EEIG2: variants seen among roughly 807,000 people sequenced by gnomAD.
EEIG2 encodes the protein EEIG family member 2, also known as family with sequence similarity 102 member B.
the EEIG2 span, among the ~76,000 whole-genome samples, chr1:108,575,560 C>T: frequency 2.0e-5 from 3 of 152,210 alleles, no homozygotes; most frequent in East Asian, 5.8e-4. Context: ...TGAAACAACC[C>T]CAGTGTCCAT....
At chr1:108,616,921 C>T in the EEIG2 span, among the ~76,000 whole-genome samples, 22 of 152,056 alleles carry the variant, frequency 1.4e-4, no homozygotes, top group African/African-American at 3.9e-4. Context: ...GGAGGGCCAT[C>T]GTGAAGAGAA....
At chr1:108,579,770 T>TGAGAGAGAGAGAGAGAGAGAGAGA in the EEIG2 span, among the ~76,000 whole-genome samples, 332 of 23,022 alleles carry the variant, frequency 0.014, 3 homozygotes, top group Admixed American at 0.041. Flanking sequence ...TGTGTGTGTG[T>TGAGAGAGAGAGAGAGAGAGAGAGA]GTGAGAGAGA....
the EEIG2 span, chr1:108,606,398 C>T: frequency 3.7e-5 from 17 of 457,382 alleles, no homozygotes; most frequent in East Asian, 5.8e-4. Context: ...ACAGTTGGAT[C>T]TAACAGTAAA....
the EEIG2 span, chr1:108,628,545 C>T: frequency 3.1e-4 from 499 of 1,613,610 alleles, no homozygotes; most frequent in Non-Finnish European, 3.8e-4. Flanking sequence ...AATCTTGATA[C>T]AGCTGATAAA....
chr1:108,579,796 A>AGAGAGAGAGAGAGAG, the EEIG2 span, among the ~76,000 whole-genome samples: 1 of 148,922 alleles, frequency 6.7e-6, no homozygotes, highest in Non-Finnish European at 1.5e-5. Context: ...AGAGAGAGAG[A>AGAGAGAGAGAGAGAG]AAGAAACCCA....
At chr1:108,630,831 G>A in the EEIG2 span, among the ~76,000 whole-genome samples, 1 of 152,150 alleles carries the variant, frequency 6.6e-6, no homozygotes. Flanking sequence ...TACAGAGTGA[G>A]TCACAGTTGC....
chr1:108,564,186 A>G, the EEIG2 span, among the ~76,000 whole-genome samples: 1 of 151,788 alleles, frequency 6.6e-6, no homozygotes, highest in African/African-American at 2.4e-5. Flanking sequence ...AGATTCTTGA[A>G]CTGAGTTGTT....
At chr1:108,629,923 G>A in the EEIG2 span, 1 of 412,330 alleles carries the variant, frequency 2.4e-6, no homozygotes, top group Non-Finnish European at 4.4e-6. Flanking sequence ...TAGACCATTG[G>A]GAAAGTTGCA....
chr1:108,564,661 G>A, the EEIG2 span, among the ~76,000 whole-genome samples: 1 of 152,128 alleles, frequency 6.6e-6, no homozygotes. Flanking sequence ...GTGAAAAAAG[G>A]CCAGGCATAG....
At chr1:108,628,198 C>T in the EEIG2 span, 15 of 1,613,998 alleles carry the variant, frequency 9.3e-6, no homozygotes, top group African/African-American at 2.7e-5. Context: ...CTGTTCCAGA[C>T]GAACTTGGTG....
chr1:108,571,730 G>A, the EEIG2 span, among the ~76,000 whole-genome samples: 5 of 152,116 alleles, frequency 3.3e-5, no homozygotes, highest in African/African-American at 1.2e-4. Context: ...AGGTCCTGCC[G>A]CCCACTTCCT....
At chr1:108,613,433 G>GT in the EEIG2 span, among the ~76,000 whole-genome samples, 1 of 152,080 alleles carries the variant, frequency 6.6e-6, no homozygotes, top group Non-Finnish European at 1.5e-5. Flanking sequence ...TTATTTCCTC[G>GT]TATTTCTTAT....
At chr1:108,587,014 T>C in the EEIG2 span, among the ~76,000 whole-genome samples, 1 of 152,152 alleles carries the variant, frequency 6.6e-6, no homozygotes, top group Non-Finnish European at 1.5e-5. Context: ...AGATCTAACT[T>C]GTAATTCATT....
At chr1:108,612,489 C>T in the EEIG2 span, among the ~76,000 whole-genome samples, 1 of 152,198 alleles carries the variant, frequency 6.6e-6, no homozygotes, top group African/African-American at 2.4e-5. Flanking sequence ...TGTTCACCTT[C>T]ATGGTCCAAA....
At chr1:108,560,215 G>A in the EEIG2 span, 365 of 154,800 alleles carry the variant, frequency 2.4e-3, 1 homozygote, top group African/African-American at 7.5e-3. Flanking sequence ...GGGCGGTCGG[G>A]GTCCGCGCCG....
At chr1:108,573,203 T>C in the EEIG2 span, among the ~76,000 whole-genome samples, 3 of 152,188 alleles carry the variant, frequency 2.0e-5, no homozygotes, top group African/African-American at 7.2e-5. Flanking sequence ...ATGAGGGCAA[T>C]TATTAGGATT....
At chr1:108,578,868 A>G in the EEIG2 span, among the ~76,000 whole-genome samples, 1 of 141,468 alleles carries the variant, frequency 7.1e-6, no homozygotes, top group Non-Finnish European at 1.5e-5. Flanking sequence ...GAAATAAAAT[A>G]CTTTACAGAC....
the EEIG2 span, among the ~76,000 whole-genome samples, chr1:108,570,537 C>G: frequency 6.6e-6 from 1 of 152,138 alleles, no homozygotes; most frequent in Non-Finnish European, 1.5e-5. Context: ...GATGAAAGAT[C>G]AGAAAAGCTT....
the EEIG2 span, among the ~76,000 whole-genome samples, chr1:108,569,363 G>C: frequency 6.6e-6 from 1 of 152,202 alleles, no homozygotes. Context: ...TGTTGCCCAG[G>C]CTAGACAGGC....
Sources: gnomAD v4.1 joint callset for allele counts (sites outside exome capture counted in the v4.1 genomes callset) on GRCh38, gnomAD v4.1.1 for gene constraint, MANE v1.5 for transcripts, NCBI Gene and HGNC (gene_info 2026-07-23, HGNC 2026-07-21) for gene names.